Variants in SP140 observed in about 807,000 individuals in gnomAD.
SP140 encodes the protein SP140 nuclear body protein, also known as nuclear body protein SP140.
Under a neutral mutation model 125.0 loss-of-function variants are expected in SP140, and 81 were observed. The observed-to-expected ratio is 0.65, with a 90% CI of 0.54 to 0.78. The LOEUF is 0.78. SP140 is among the 30% of genes least tolerant of loss of function. The pLI is 0.00. For missense variants in SP140, 858 were observed against 1,037.0 expected (o/e 0.83, Z 2.37); for synonymous variants, 312 against 354.0 (o/e 0.88, Z 1.33).
At chr2:230,234,968 C>T (rs2047759516) in intron 1 of SP140, 1 of 152,230 alleles carries the variant, frequency 6.6e-6, no homozygotes, top group Non-Finnish European at 1.5e-5. Flanking sequence ...CTGTTGTAGT[C>T]TGTTCATGCT....
intron 3 of SP140, chr2:230,214,954 T>C: frequency 1.9e-6 from 3 of 1,613,802 alleles, no homozygotes; most frequent in Non-Finnish European, 2.5e-6. Flanking sequence ...CATTACCACG[T>C]TTGAAGCTTC....
At chr2:230,227,531 G>A (rs2046631764) in intron 1 of SP140, among the ~76,000 whole-genome samples, 1 of 152,194 alleles carries the variant, frequency 6.6e-6, no homozygotes, top group South Asian at 2.1e-4. Flanking sequence ...ATATCTGGTA[G>A]GATTAGCTAG....
chr2:230,217,531 G>T (rs1405286598), intron 3 of SP140, among the ~76,000 whole-genome samples: 1 of 152,198 alleles, frequency 6.6e-6, no homozygotes, highest in African/African-American at 2.4e-5. Context: ...AGTGTTTCCT[G>T]TGTGCCAGAC....
rs980515577 is a variant in SP140 at position 230,211,797 on chromosome 2, G to A, written c.-322-1857G>A. ...TTTGGATGGTAGGTATTAGAGGAGT[G>A]GATGCAATATTATTTGGATCGAAGA... On this transcript the variant is annotated intron_variant, in intron 1 of 4. Coordinates refer to the SP140 transcript ENST00000456542. This position sits in a 1 kb window ranked among gnomAD's most constrained non-coding sequence, Gnocchi z 4.2. 6.6e-5 allele frequency among the ~76,000 whole-genome samples: 10 copies of A among 152,116 alleles called. No individual in the cohort carries two copies. The highest frequency in any genetic ancestry group is 1.3e-4 in the Non-Finnish European group (9 of 68,022).
At chr2:230,296,006 A>G (rs1242251361) in intron 21 of SP140, among the ~76,000 whole-genome samples, 2 of 152,052 alleles carry the variant, frequency 1.3e-5, no homozygotes, top group Non-Finnish European at 2.9e-5. Context: ...TGAGAGGCTG[A>G]GATGGGAGAA....
chr2:230,249,143 G>A (rs2049963009), intron 9 of SP140, among the ~76,000 whole-genome samples, 175 bp downstream of exon 9: 1 of 152,116 alleles, frequency 6.6e-6, no homozygotes, highest in Non-Finnish European at 1.5e-5. Flanking sequence ...GAGAGACAAA[G>A]GATCAAGGTG....
intron 18 of SP140, among the ~76,000 whole-genome samples, chr2:230,289,889 A>G (rs2056918671): frequency 6.6e-6 from 1 of 152,172 alleles, no homozygotes; most frequent in Non-Finnish European, 1.5e-5. Flanking sequence ...CTGCAACCCC[A>G]TATAATTTTC....
At chr2:230,210,052 A>T (rs1404872182) in intron 1 of SP140, 2 of 1,197,676 alleles carry the variant, frequency 1.7e-6, no homozygotes, top group Non-Finnish European at 1.2e-6. Flanking sequence ...AGATCCAGTG[A>T]AGAGAAAGTG....
intron 8 of SP140, among the ~76,000 whole-genome samples, chr2:230,248,340 C>T (rs1299980885): frequency 6.6e-6 from 1 of 152,162 alleles, no homozygotes; most frequent in African/African-American, 2.4e-5. Flanking sequence ...CTGGATGTGT[C>T]ACTGGGTGAT....
chr2:230,269,989 T>G (rs1234096566), intron 14 of SP140, 36 bp downstream of exon 14: 1 of 1,415,328 alleles, frequency 7.1e-7, no homozygotes, highest in Non-Finnish European at 1.0e-6. Context: ...TGGGGGTGGC[T>G]CAGTGGGCCC....
intron 9 of SP140, among the ~76,000 whole-genome samples, chr2:230,250,601 C>T (rs1200265986): frequency 6.6e-6 from 1 of 152,056 alleles, no homozygotes; most frequent in Non-Finnish European, 1.5e-5. Flanking sequence ...CAATAAAAAG[C>T]AGAGTCAGGG....
intron 1 of SP140, chr2:230,234,910 A>G (rs756505426): frequency 6.6e-6 from 1 of 152,106 alleles, no homozygotes; most frequent in Non-Finnish European, 1.5e-5. Context: ...CCTTTTGCTT[A>G]TCTTGGTTTT....
At position 230,309,864 on chromosome 2, in the gene SP140, A is replaced by T. The variant is rs1420973015; in HGVS notation, c.2059-60A>T. 7.6e-6 allele frequency: 12 copies of T among 1,575,804 alleles called. No homozygotes were observed. In the East Asian group the frequency reaches 2.7e-4, roughly 35 times the overall value. ...AAGGCAGTGTGTTCTAGTTGCCCAG[A>T]GGGTTGGCCTTCCTGAATCTTGCGG... On this transcript the variant is annotated intron_variant, in intron 22 of 26. Coordinates refer to ENST00000392045, the MANE Select transcript of SP140 (RefSeq NM_007237.5).
At chr2:230,257,597 T>A (rs935375788) in intron 12 of SP140, among the ~76,000 whole-genome samples, 3 of 152,080 alleles carry the variant, frequency 2.0e-5, no homozygotes, top group African/African-American at 7.2e-5. Flanking sequence ...CAAAACCCCA[T>A]CTCTACTAAA....
the SP140 span, among the ~76,000 whole-genome samples, chr2:230,196,313 T>G: frequency 8.5e-5 from 13 of 152,056 alleles, no homozygotes; most frequent in African/African-American, 3.1e-4. Flanking sequence ...CACTAGTAGG[T>G]GATTATTTAA....
chr2:230,237,199 G>A lies in SP140; in HGVS notation c.176G>A (p.Arg59Lys), dbSNP rs2048124935. 2 of 1,613,404 alleles carry A rather than the reference G, an allele frequency of 1.2e-6. No individual in the cohort carries two copies. The highest frequency in any genetic ancestry group is 1.7e-5 in the Admixed American group (1 of 59,804). ...GTGGAGATTGCAAGTGCAATAACAA[G>A]GCCATTTCCTTTCCTTATGGGCCTC... ...NKVEIASAITRPFPFLMGLRD... is the reference protein window; with the variant it reads ...NKVEIASAITKPFPFLMGLRD... The change falls in exon 2 of 27, where the codon AGG (arginine) becomes AAG (lysine). Residue 59 changes from arginine to lysine, a missense_variant. Transcript: ENST00000392045. The surrounding 1 kb of genome is among the most constrained non-coding windows in gnomAD (Gnocchi z 5.4).
intron 12 of SP140, among the ~76,000 whole-genome samples, chr2:230,263,108 T>G (rs1390218012): frequency 1.3e-5 from 2 of 152,184 alleles, no homozygotes; most frequent in African/African-American, 4.8e-5. Context: ...TTCTTAGGTC[T>G]ATTAGTAATT....
intron 17 of SP140, 103 bp downstream of exon 17, chr2:230,285,935 C>T: frequency 1.2e-6 from 1 of 866,394 alleles, no homozygotes. Context: ...ACTCATCAAG[C>T]TTAGTCAATT....
Position 230,297,446 on chromosome 2 carries a change from G to C in SP140, c.2042G>C (p.Ser681Thr). 6.2e-7 allele frequency: 1 copy of C among 1,613,878 alleles called. No homozygotes were observed. The highest frequency in any genetic ancestry group is 1.7e-5 in the Admixed American group (1 of 60,024). ...KKRILKSQNN[S>T]SVDPCMRNLD... ...AGAATACTGAAGTCTCAAAACAATA[G>C]CTCAGTTGACCCTTGTGTAAGTACA... The change falls in exon 22 of 27, where the codon AGC becomes ACC. Residue 681 changes from serine to threonine, a missense_variant. This residue lies in a region of SP140 where 791 missense variants were observed against 869.5 expected (regional missense o/e 0.91). Coordinates refer to ENST00000392045, the MANE Select transcript of SP140 (RefSeq NM_007237.5).
Sources: gnomAD v4.1 joint callset for allele counts (sites outside exome capture counted in the v4.1 genomes callset) on GRCh38, gnomAD v4.1.1 for gene constraint, gnomAD v4.1.1 regional missense constraint, Gnocchi (gnomAD v3.1) non-coding constraint, MANE v1.5 for transcripts, NCBI Gene and HGNC (gene_info 2026-07-23, HGNC 2026-07-21) for gene names.